The following ADAMTSL3 variants were observed in gnomAD, a reference collection of about 807,000 sequenced individuals.
ADAMTSL3 encodes ADAMTS like 3.
A neutral mutation model predicts 201.7 loss-of-function variants in ADAMTSL3; 128 were observed. That is an observed-to-expected ratio of 0.63 (90% CI 0.55 to 0.73). ADAMTSL3 has a LOEUF of 0.73. Among genes scored for constraint, ADAMTSL3 ranks in the 30% least tolerant of loss-of-function variants. The pLI is 0.00. For synonymous variants in ADAMTSL3, 738 were observed against 748.4 expected (o/e 0.99, Z 0.23); for missense variants, 1,990 against 2,119.6 (o/e 0.94, Z 1.20).
intron 15 of ADAMTSL3, among the ~76,000 whole-genome samples, chr15:83,903,916 TCAAAAAAAAAAAAAAAAAAA>T (rs2065776899): frequency 5.3e-4 from 1 of 1,882 alleles, no homozygotes; most frequent in African/African-American, 6.8e-3. Flanking sequence ...AGACTCCACA[TCAAAAAAAAAAAAAAAAAAA>T]AAAAAAAAGA....
intron 6 of ADAMTSL3, among the ~76,000 whole-genome samples, chr15:83,821,706 A>G (rs1183555592): frequency 6.6e-6 from 1 of 152,178 alleles, no homozygotes; most frequent in East Asian, 1.9e-4. Context: ...CCCACTTTCT[A>G]TTCCACAAAA....
chr15:83,908,066 C>T lies in ADAMTSL3; in HGVS notation c.1701-5026C>T, dbSNP rs561168483. Among the ~76,000 whole-genome samples the T allele has an allele frequency of 2.0e-5, 3 of 152,226 alleles. No individual in the cohort carries two copies. In the East Asian group the frequency reaches 5.8e-4, roughly 29 times the overall value. ...CTCTTGTGCTGAAGAATGATTTTAG[C>T]AGTTGGATATTTGTGCTTTGTTTTC... On this transcript the variant is annotated intron_variant, in intron 15 of 29. Transcript: ENST00000286744.
intron 23 of ADAMTSL3, among the ~76,000 whole-genome samples, chr15:83,992,909 A>G (rs1307051985): frequency 2.6e-5 from 4 of 152,184 alleles, no homozygotes; most frequent in African/African-American, 9.6e-5. Flanking sequence ...CAGCACTGGG[A>G]GTACTCATCT....
chr15:84,021,713 G>A, intron 26 of ADAMTSL3, 120 bp downstream of exon 26: 1 of 1,050,176 alleles, frequency 9.5e-7, no homozygotes, highest in Non-Finnish European at 1.4e-6. Flanking sequence ...CTGTATACTA[G>A]GCATCCTGCT....
At chr15:83,710,143 C>G (rs1202311150) in intron 3 of ADAMTSL3, among the ~76,000 whole-genome samples, 3 of 152,238 alleles carry the variant, frequency 2.0e-5, no homozygotes, top group East Asian at 1.9e-4. Flanking sequence ...AATGCAAGCT[C>G]GAAGCCATTT....
intron 3 of ADAMTSL3, among the ~76,000 whole-genome samples, chr15:83,749,777 G>T (rs2062609130): frequency 6.6e-6 from 1 of 152,166 alleles, no homozygotes; most frequent in Non-Finnish European, 1.5e-5. Context: ...TCATGAAAGC[G>T]AATAGGGTGG....
In ADAMTSL3 at chr15:84,036,936, C is replaced by T. The variant is rs745359366; in HGVS notation, c.4918C>T (p.Gln1640Ter). 6.2e-7 allele frequency: 1 copy of T among 1,614,088 alleles called. No individual in the cohort carries two copies. Among genetic ancestry groups the T allele is most frequent in the Non-Finnish European group, 8.5e-7 (1 of 1,180,018 alleles). ...CKPVAKRHCVQKKKPISWRHC... is the reference protein window; with the variant it reads ...CKPVAKRHCV ...ACCTGTGGCCAAGAGACACTGTGTA[C>T]AGAAAAAGAAACCAATTTCCTGGCG... The change falls in exon 29 of 30, where the codon CAG (glutamine) becomes TAG (stop). Residue 1640 changes from glutamine (Q) to a stop codon, truncating the protein, a stop_gained. Transcript: ENST00000286744. LOFTEE classifies it high-confidence loss of function.
In ADAMTSL3 at chr15:83,734,585, G is replaced by A. The variant is rs536913351; in HGVS notation, c.189+30077G>A. Among the ~76,000 whole-genome samples the A allele has an allele frequency of 3.3e-5, 5 of 152,276 alleles. No individual in the cohort carries two copies. In the South Asian group the frequency reaches 6.2e-4, roughly 19 times the overall value. ...CACTTGTGTGCCTGCTTTGTGATGA[G>A]CTGCCCTGCTGACTCACACCTGCCG... is the stretch of plus-strand genomic sequence containing the variant. On this transcript the variant is annotated intron_variant, in intron 3 of 29. Coordinates refer to ENST00000286744, the MANE Select transcript of ADAMTSL3 (RefSeq NM_207517.3).
rs562379367 is a variant in ADAMTSL3 at position 83,753,158 on chromosome 15, G to A, written c.190-20365G>A. On this transcript the variant is annotated intron_variant, in intron 3 of 29. Coordinates refer to ENST00000286744, the MANE Select transcript of ADAMTSL3 (RefSeq NM_207517.3). The stretch of plus-strand genomic sequence containing the variant: ...TGGCTACCTTTCTGAAGACTTGATG[G>A]TCTGAATGGTTAGGGTTCTGAACCA... Among the ~76,000 whole-genome samples the A allele has an allele frequency of 2.0e-5, 3 of 152,264 alleles. No individual in the cohort carries two copies. The East Asian group carries it at 5.8e-4, about 29-fold the overall frequency.
chr15:83,939,139 C>T (rs188514693), intron 17 of ADAMTSL3, among the ~76,000 whole-genome samples: 8 of 152,264 alleles, frequency 5.3e-5, no homozygotes, highest in Admixed American at 6.5e-5. Flanking sequence ...CCAGATTGGT[C>T]ACCATGTAAC....
At chr15:83,870,768 T>C (rs200803803) in intron 8 of ADAMTSL3, 34 bp from the exon 9 acceptor site, 92 of 1,501,044 alleles carry the variant, frequency 6.1e-5, no homozygotes, top group Middle Eastern at 1.8e-4. Flanking sequence ...CCTTTAAGAT[T>C]GTTTCTTATT....
chr15:83,681,711 T>A (rs2061478334), intron 2 of ADAMTSL3, among the ~76,000 whole-genome samples: 1 of 152,190 alleles, frequency 6.6e-6, no homozygotes, highest in Admixed American at 6.5e-5. Flanking sequence ...TTGGATGTGG[T>A]CGACTTGCTT....
intron 7 of ADAMTSL3, among the ~76,000 whole-genome samples, chr15:83,847,277 C>T (rs909601435): frequency 6.6e-6 from 1 of 152,196 alleles, no homozygotes; most frequent in Non-Finnish European, 1.5e-5. Flanking sequence ...CTTTTGCTTA[C>T]TGGCATACTG....
rs2068543113 is a variant in ADAMTSL3, at chr15:84,038,074, G to A, written c.*268G>A. 5.0e-6 allele frequency: 2 copies of A among 401,496 alleles called. No homozygotes were observed. The highest frequency in any genetic ancestry group is 8.8e-6 in the Non-Finnish European group (2 of 228,220). The allele number at this position is 401,496 out of a possible 1,614,324, so 24.9% of individuals were successfully genotyped here. A position where few individuals can be genotyped will look rare whatever the true frequency, so the allele number is the denominator to read the frequency against. The stretch of plus-strand genomic sequence containing the variant: ...CTGCACTTGGGACCTCATCATGTCA[G>A]TTGAATCGAGAAATCACCAAGATTA... On this transcript the variant is annotated 3_prime_UTR_variant, in exon 30 of 30. Coordinates refer to ENST00000286744, the MANE Select transcript of ADAMTSL3 (RefSeq NM_207517.3).
chr15:83,794,048 G>A (rs1332106613), intron 4 of ADAMTSL3, among the ~76,000 whole-genome samples: 3 of 152,100 alleles, frequency 2.0e-5, no homozygotes, highest in Non-Finnish European at 4.4e-5. Context: ...TGGCAAATAA[G>A]CACACAAAAG....
chr15:83,873,160 C>T (rs1166065310), intron 9 of ADAMTSL3, among the ~76,000 whole-genome samples: 3 of 143,538 alleles, frequency 2.1e-5, no homozygotes, highest in Non-Finnish European at 4.5e-5. Context: ...CAAAAATAGC[C>T]GGACGTGGTG....
At chr15:83,707,864 A>G (rs894640701) in intron 3 of ADAMTSL3, among the ~76,000 whole-genome samples, 3 of 152,202 alleles carry the variant, frequency 2.0e-5, no homozygotes, top group African/African-American at 7.2e-5. Flanking sequence ...ATTGCAGCAT[A>G]CTGGGTGGCA....
At chr15:84,024,899 A>G (rs2068274835) in intron 26 of ADAMTSL3, among the ~76,000 whole-genome samples, 1 of 152,190 alleles carries the variant, frequency 6.6e-6, no homozygotes, top group African/African-American at 2.4e-5. Context: ...TCTTCATTTT[A>G]GTTTCAGTGA....
intron 4 of ADAMTSL3, among the ~76,000 whole-genome samples, chr15:83,783,051 C>T (rs528028318): frequency 2.7e-4 from 39 of 146,550 alleles, no homozygotes; most frequent in African/African-American, 8.5e-4. Flanking sequence ...TACTGTTTAG[C>T]GCAATATGTT....
Sources: gnomAD v4.1 joint callset for allele counts (sites outside exome capture counted in the v4.1 genomes callset) on GRCh38, gnomAD v4.1.1 for gene constraint, MANE v1.5 for transcripts, NCBI Gene and HGNC (gene_info 2026-07-23, HGNC 2026-07-21) for gene names.